Variants in NPAS3 observed in about 807,000 individuals in gnomAD.
NPAS3 encodes the protein neuronal PAS domain protein 3, also known as neuronal PAS domain-containing protein 3.
Under a neutral mutation model 73.1 loss-of-function variants are expected in NPAS3, and 14 were observed. The observed-to-expected ratio is 0.19, with a 90% CI of 0.13 to 0.30. NPAS3 has a LOEUF of 0.30. Among genes scored for constraint, NPAS3 ranks in the 10% least tolerant of loss-of-function variants. The probability of loss-of-function intolerance (pLI) is 1.00; values close to 1 mark genes in which losing one functional copy is unlikely to be tolerated. For synonymous variants in NPAS3, 620 were observed against 541.5 expected, an observed-to-expected ratio of 1.14 and a Z score of -2.01; for missense variants, 1,096 against 1,250.0, an observed-to-expected ratio of 0.88 and a Z score of 1.86.
chr14:33,006,024 A>G (rs2038991083), intron 1 of NPAS3, among the ~76,000 whole-genome samples: 1 of 152,064 alleles, frequency 6.6e-6, no homozygotes, highest in Admixed American at 6.5e-5. Context: ...AGCCATTGAC[A>G]TTGACCTCAG....
At chr14:32,956,219 A>C (rs1210851208) in intron 1 of NPAS3, among the ~76,000 whole-genome samples, 1 of 152,172 alleles carries the variant, frequency 6.6e-6, no homozygotes, top group East Asian at 1.9e-4. Flanking sequence ...ACAAAATTGT[A>C]CCAATAATAA....
intron 3 of NPAS3, among the ~76,000 whole-genome samples, chr14:33,362,976 C>T (rs1124910): frequency 0.25 from 38,707 of 152,022 alleles, 6,261 homozygotes; most frequent in African/African-American, 0.45. Context: ...CACCTTCCCA[C>T]TGTGAACCAT....
intron 5 of NPAS3, among the ~76,000 whole-genome samples, chr14:33,632,075 C>T (rs373649603): frequency 1.3e-5 from 2 of 152,120 alleles, no homozygotes; most frequent in Middle Eastern, 3.4e-3. Flanking sequence ...TGTGAAAGAC[C>T]GGTTAGTCTT....
intron 5 of NPAS3, among the ~76,000 whole-genome samples, chr14:33,631,703 T>C (rs1234106644): frequency 6.6e-6 from 1 of 152,174 alleles, no homozygotes; most frequent in Non-Finnish European, 1.5e-5. Flanking sequence ...GCAGGCAGCA[T>C]TGCCTGAATA....
At chr14:33,096,054 C>T (rs532192499) in intron 2 of NPAS3, among the ~76,000 whole-genome samples, 1 of 150,860 alleles carries the variant, frequency 6.6e-6, no homozygotes, top group Non-Finnish European at 1.5e-5. Context: ...GATACATGGA[C>T]AACAGGGGTT....
chr14:33,373,782 T>C (rs143376369), intron 4 of NPAS3, among the ~76,000 whole-genome samples: 391 of 152,222 alleles, frequency 2.6e-3, no homozygotes, highest in Non-Finnish European at 4.8e-3. Context: ...TTTTAGAACA[T>C]TCAAACCCAA....
intron 4 of NPAS3, among the ~76,000 whole-genome samples, chr14:33,386,134 G>A (rs1014082703): frequency 6.6e-6 from 1 of 151,708 alleles, no homozygotes; most frequent in Non-Finnish European, 1.5e-5. Context: ...AATTTTAGAT[G>A]GTGATTTACA....
chr14:33,318,296 A>G (rs2140225936), intron 3 of NPAS3, among the ~76,000 whole-genome samples: 1 of 152,214 alleles, frequency 6.6e-6, no homozygotes, highest in East Asian at 1.9e-4. Context: ...GAGTAGTCAG[A>G]TTTATAGAGA....
At chr14:33,519,405 G>T (rs2053458052) in intron 4 of NPAS3, among the ~76,000 whole-genome samples, 2 of 151,926 alleles carry the variant, frequency 1.3e-5, no homozygotes, top group Non-Finnish European at 2.9e-5. Flanking sequence ...TCAAACATTA[G>T]TTGCCTGCCT....
chr14:32,994,700 C>T (rs2038491479), intron 1 of NPAS3, among the ~76,000 whole-genome samples: 1 of 145,928 alleles, frequency 6.9e-6, no homozygotes, highest in Non-Finnish European at 1.5e-5. Context: ...GGCATGATCT[C>T]AGCTCACTGT....
At position 33,060,330 on chromosome 14, in the gene NPAS3, G is replaced by A. The variant is rs150689297; in HGVS notation, c.140+4336G>A. On this transcript the variant is annotated intron_variant, in intron 2 of 11. Transcript: ENST00000356141. ...AAAGCCAAGAACAATCCGTTCACCC[G>A]TATTTAGAAAAGATGGAGTGAGTCT... is the stretch of plus-strand genomic sequence containing the variant. Among the ~76,000 whole-genome samples the A allele has an allele frequency of 3.5e-4, 53 of 152,266 alleles. 1 individual carries two copies. Among genetic ancestry groups the A allele is most frequent in the Admixed American group, 6.5e-4 (10 of 15,304 alleles).
intron 3 of NPAS3, among the ~76,000 whole-genome samples, chr14:33,345,724 A>G (rs548186929): frequency 5.3e-5 from 8 of 152,278 alleles, no homozygotes; most frequent in South Asian, 2.1e-4. Context: ...TAGCCTAAGG[A>G]TAAATGTGCA....
chr14:33,663,140 T>C (rs2059357703), intron 5 of NPAS3, among the ~76,000 whole-genome samples: 1 of 152,122 alleles, frequency 6.6e-6, no homozygotes, highest in Non-Finnish European at 1.5e-5. Flanking sequence ...GGCATCCTTG[T>C]CTTGTGCCAG....
intron 1 of NPAS3, among the ~76,000 whole-genome samples, chr14:32,945,243 T>A (rs2036203292): frequency 6.6e-6 from 1 of 152,064 alleles, no homozygotes; most frequent in Non-Finnish European, 1.5e-5. Context: ...TACAAAGTGA[T>A]TAGAGGCTCC....
chr14:33,121,953 C>T (rs2043246424), intron 2 of NPAS3, among the ~76,000 whole-genome samples: 1 of 152,106 alleles, frequency 6.6e-6, no homozygotes, highest in African/African-American at 2.4e-5. Flanking sequence ...ACATAACTTT[C>T]CATGAGTACC....
chr14:32,975,968 T>C (rs2037658323), intron 1 of NPAS3, among the ~76,000 whole-genome samples: 1 of 152,026 alleles, frequency 6.6e-6, no homozygotes, highest in South Asian at 2.1e-4. Context: ...TTTCTTCCTC[T>C]GGCCTCCTTG....
At chr14:33,715,432 A>G (rs1423247673) in intron 6 of NPAS3, among the ~76,000 whole-genome samples, 1 of 152,156 alleles carries the variant, frequency 6.6e-6, no homozygotes, top group Non-Finnish European at 1.5e-5. Flanking sequence ...TATTAATTAA[A>G]TGAGCATTGG....
Position 33,004,817 on chromosome 14 carries a change from C to CTTTTTTTTTTTT in NPAS3, c.51-51080_51-51069dup. 2.3e-4 allele frequency among the ~76,000 whole-genome samples: 15 copies of CTTTTTTTTTTTT among 64,002 alleles called. 1 individual carries two copies. The highest frequency in any genetic ancestry group is 3.1e-4 in the Non-Finnish European group (9 of 28,634). 42.0% of individuals were successfully genotyped at this position (64,002 alleles called of 152,430 possible). A position where few individuals can be genotyped will look rare whatever the true frequency, so the allele number is the denominator to read the frequency against. The stretch of plus-strand genomic sequence containing the variant: ...CTTTTTTCTATTGTAAAAAGTTTTC[C>CTTTTTTTTTTTT]TTTTTTTTTTTTTTTTTTTAGTTTT... On this transcript the variant is annotated intron_variant, in intron 1 of 11. Transcript: ENST00000356141.
rs2057850579 is a variant in NPAS3, at chr14:33,614,426, GC to G, written c.558+54219del. Among the ~76,000 whole-genome samples, 3 of 152,174 alleles carry G rather than the reference GC, an allele frequency of 2.0e-5. No individual in the cohort carries two copies. In the South Asian group the frequency reaches 6.2e-4, roughly 31 times the overall value. ...GAGAGAGATGAGCATCCTCAGTACTGCCCTAAATTTCTTCTTGCTACCTTAG... is the reference window on the plus strand; with the variant it reads ...GAGAGAGATGAGCATCCTCAGTACTGCCTAAATTTCTTCTTGCTACCTTAG... On this transcript the variant is annotated intron_variant, in intron 5 of 11. Coordinates refer to ENST00000356141, the Ensembl canonical transcript of NPAS3.
Sources: gnomAD v4.1 joint callset for allele counts (sites outside exome capture counted in the v4.1 genomes callset) on GRCh38, gnomAD v4.1.1 for gene constraint, MANE v1.5 for transcripts, NCBI Gene and HGNC (gene_info 2026-07-23, HGNC 2026-07-21) for gene names.